Variants in ANKH observed in about 807,000 individuals in gnomAD.
The protein encoded by ANKH is ANKH inorganic pyrophosphate transport regulator.
ANKH carries 15 observed loss-of-function variants against 49.0 expected under a neutral mutation model. That is an observed-to-expected ratio of 0.31 (90% confidence interval 0.20 to 0.47). The LOEUF (loss-of-function observed/expected upper bound fraction) is 0.47. Ranked by LOEUF, ANKH falls within the 20% of genes least tolerant of loss-of-function variation. The pLI is 1.00. For synonymous variants in ANKH, 273 were observed against 260.0 expected (o/e 1.05, Z -0.48); for missense variants, 429 against 652.0 (o/e 0.66, Z 3.72).
At chr5:14,830,504 A>T (rs1741470487) in intron 1 of ANKH, among the ~76,000 whole-genome samples, 1 of 134,428 alleles carries the variant, frequency 7.4e-6, no homozygotes. Context: ...ATTGTGAGGT[A>T]GGGGGAGTGT....
intron 8 of ANKH, among the ~76,000 whole-genome samples, chr5:14,732,377 G>A (rs1580013513): frequency 6.6e-6 from 1 of 151,910 alleles, no homozygotes; most frequent in Admixed American, 6.6e-5. Context: ...GTCTACTGAA[G>A]GTGTGTGTAA....
chr5:14,727,737 C>T (rs747389289), intron 8 of ANKH, among the ~76,000 whole-genome samples: 10 of 151,822 alleles, frequency 6.6e-5, no homozygotes, highest in South Asian at 2.1e-4. Flanking sequence ...TGAGGAGTGA[C>T]TGTTTAGTGG....
Position 14,771,001 on chromosome 5 carries a change from CCTGT to C in ANKH, c.97-1814_97-1811del, listed in dbSNP as rs1372179878. 2.6e-5 allele frequency among the ~76,000 whole-genome samples: 4 copies of C among 152,304 alleles called. No homozygotes were observed. In the East Asian group the frequency reaches 7.7e-4, roughly 29 times the overall value. On this transcript the variant is annotated intron_variant, in intron 1 of 11. Coordinates refer to ENST00000284268, the MANE Select transcript of ANKH (RefSeq NM_054027.6). ...GAAGAAATGAAAGAAATGCACTTTT[CCTGT>C]CTATTTCCTATTTCTATTAATCAAG...
At chr5:14,751,316 T>C in intron 4 of ANKH, 77 bp from the exon 5 acceptor site, 4 of 1,455,960 alleles carry the variant, frequency 2.7e-6, no homozygotes, top group Non-Finnish European at 3.8e-6. Context: ...GGCACGCTCT[T>C]GAACCTGAGA....
At chr5:14,848,521 G>C (rs1200784564) in intron 1 of ANKH, among the ~76,000 whole-genome samples, 1 of 152,088 alleles carries the variant, frequency 6.6e-6, no homozygotes, top group Non-Finnish European at 1.5e-5. Context: ...GCTTTTGCTC[G>C]CCGTCCGGCA....
intron 8 of ANKH, among the ~76,000 whole-genome samples, chr5:14,727,053 C>T (rs1041670423): frequency 6.6e-6 from 1 of 152,036 alleles, no homozygotes; most frequent in Admixed American, 6.6e-5. Context: ...AGTGGGGACA[C>T]GGGAAGGAGT....
chr5:14,852,981 C>T (rs1742158666), intron 1 of ANKH, among the ~76,000 whole-genome samples: 1 of 152,080 alleles, frequency 6.6e-6, no homozygotes, highest in Non-Finnish European at 1.5e-5. Context: ...TGTCAAGGTA[C>T]CCCCGGGAGT....
intron 1 of ANKH, among the ~76,000 whole-genome samples, chr5:14,820,757 G>T (rs933048124): frequency 2.0e-5 from 3 of 152,196 alleles, no homozygotes; most frequent in African/African-American, 7.2e-5. Context: ...CTTAACTAAA[G>T]TTTGGTAAAG....
chr5:14,798,491 ATTTT>A, intron 1 of ANKH: 1 of 852,162 alleles, frequency 1.2e-6, no homozygotes, highest in Non-Finnish European at 1.7e-6. Flanking sequence ...CGCGGTCTCT[ATTTT>A]TTTTTTTAAT....
chr5:14,840,412 G>C (rs765158891), intron 1 of ANKH, among the ~76,000 whole-genome samples: 9 of 152,156 alleles, frequency 5.9e-5, no homozygotes, highest in Non-Finnish European at 1.2e-4. Flanking sequence ...ATTTTTCTAG[G>C]AGGAAGGTGA....
chr5:14,783,527 T>C (rs1309704577), intron 1 of ANKH, among the ~76,000 whole-genome samples: 2 of 152,102 alleles, frequency 1.3e-5, no homozygotes, highest in Non-Finnish European at 2.9e-5. Flanking sequence ...TGAAGTAAAA[T>C]TGTCTCAAGG....
chr5:14,795,426 A>T (rs1022043176), intron 1 of ANKH, among the ~76,000 whole-genome samples: 1 of 152,224 alleles, frequency 6.6e-6, no homozygotes, highest in African/African-American at 2.4e-5. Flanking sequence ...AACTCATCTT[A>T]AGTTAAAATA....
chr5:14,730,662 A>C (rs1409083421), intron 8 of ANKH, among the ~76,000 whole-genome samples: 1 of 152,198 alleles, frequency 6.6e-6, no homozygotes, highest in Non-Finnish European at 1.5e-5. Context: ...AAGGGCTTGC[A>C]GCCTGGAGGA....
chr5:14,845,336 C>T (rs1302544718), intron 1 of ANKH, among the ~76,000 whole-genome samples: 1 of 143,232 alleles, frequency 7.0e-6, no homozygotes, highest in South Asian at 2.3e-4. Flanking sequence ...AGAAACCCTG[C>T]TAGTTTCATG....
rs898600482 is a variant in ANKH, at chr5:14,713,955, T to C, written c.1142-288A>G. 6.6e-6 allele frequency among the ~76,000 whole-genome samples: 1 copy of C among 152,260 alleles called. No individual in the cohort carries two copies. The highest frequency in any genetic ancestry group is 1.5e-5 in the Non-Finnish European group (1 of 68,038). On this transcript the variant is annotated intron_variant, in intron 9 of 11. Coordinates refer to ENST00000284268, the MANE Select transcript of ANKH (RefSeq NM_054027.6). This position sits in a 1 kb window ranked among gnomAD's most constrained non-coding sequence, Gnocchi z 4.4. ...CATCTTCCAGGCAGCCTAGCTGCTC[T>C]TGTCCAGTCCTGTCCCCACACTTGG...
chr5:14,856,931 G>A (rs902909120), intron 1 of ANKH, among the ~76,000 whole-genome samples: 2 of 152,080 alleles, frequency 1.3e-5, no homozygotes, highest in African/African-American at 4.8e-5. Context: ...AGGTGTGGAT[G>A]TTTTTTTCTC....
At chr5:14,851,019 A>G (rs1017521691) in intron 1 of ANKH, among the ~76,000 whole-genome samples, 1 of 152,120 alleles carries the variant, frequency 6.6e-6, no homozygotes, top group African/African-American at 2.4e-5. Context: ...GGAGGAAAAG[A>G]GCAGTGTATA....
chr5:14,790,002 G>A (rs1740114238), intron 1 of ANKH, among the ~76,000 whole-genome samples: 2 of 152,108 alleles, frequency 1.3e-5, no homozygotes, highest in South Asian at 4.2e-4. Flanking sequence ...GAGCCACCAG[G>A]CCCAGCTCAC....
chr5:14,726,637 G>A (rs1320720004), intron 8 of ANKH, among the ~76,000 whole-genome samples: 2 of 152,204 alleles, frequency 1.3e-5, no homozygotes, highest in Admixed American at 6.5e-5. Context: ...CCCATGAGCT[G>A]GATGGGGCCT....
Sources: allele counts gnomAD v4.1 joint callset (sites outside exome capture counted in the v4.1 genomes callset), GRCh38; gene constraint gnomAD v4.1.1; non-coding constraint Gnocchi (gnomAD v3.1); transcripts MANE v1.5; gene names NCBI Gene and HGNC (gene_info 2026-07-23, HGNC 2026-07-21).